Variants in BCKDHB observed in about 807,000 individuals in gnomAD.
The protein encoded by BCKDHB is branched chain keto acid dehydrogenase E1 subunit beta.
A neutral mutation model predicts 48.5 loss-of-function variants in BCKDHB; 41 were observed. The ratio of observed to expected loss-of-function variants is 0.85; its 90% confidence interval spans 0.66 to 1.10. The LOEUF (loss-of-function observed/expected upper bound fraction) is 1.10, where lower values mean the gene tolerates loss of function less well. BCKDHB is among the 50% of genes least tolerant of loss of function. BCKDHB has a pLI of 0.00. For synonymous variants in BCKDHB, 201 were observed against 174.8 expected, an observed-to-expected ratio of 1.15 and a Z score of -1.18; for missense variants, 496 against 494.2, an observed-to-expected ratio of 1.00 and a Z score of -0.03.
intron 9 of BCKDHB, among the ~76,000 whole-genome samples, chr6:80,298,591 C>G (rs1767388751): frequency 2.0e-5 from 3 of 152,190 alleles, no homozygotes; most frequent in Admixed American, 2.0e-4. Context: ...GACTCATTCC[C>G]TAAGCCAGGC....
At chr6:80,230,026 G>GGTT (rs1775846730) in intron 8 of BCKDHB, among the ~76,000 whole-genome samples, 2 of 60,646 alleles carry the variant, frequency 3.3e-5, no homozygotes, top group African/African-American at 1.4e-4. Flanking sequence ...TTTTTAGGTT[G>GGTT]TTTTTTTTTT....
chr6:80,413,646 T>C, the BCKDHB span, among the ~76,000 whole-genome samples: 2 of 152,240 alleles, frequency 1.3e-5, no homozygotes, highest in Non-Finnish European at 2.9e-5. Flanking sequence ...TCGTTATGCC[T>C]GCATAGTATT....
In BCKDHB at chr6:80,259,324, C is replaced by T. The variant is rs187473525; in HGVS notation, c.952-13811C>T. Among the ~76,000 whole-genome samples the T allele has an allele frequency of 8.9e-4, 135 of 152,264 alleles. No individual in the cohort carries two copies. The South Asian group carries it at 0.014, about 16-fold the overall frequency. On this transcript the variant is annotated intron_variant, in intron 8 of 9. Coordinates refer to ENST00000320393, the MANE Select transcript of BCKDHB (RefSeq NM_183050.4). The stretch of plus-strand genomic sequence containing the variant: ...GTCACTGATGCAGTCAGTTGTGTTC[C>T]GATTTCAGAATTACGGTTGGCAGTC...
chr6:80,352,021 A>G, the BCKDHB span, among the ~76,000 whole-genome samples: 3 of 151,858 alleles, frequency 2.0e-5, no homozygotes, highest in African/African-American at 7.3e-5. Flanking sequence ...GGGTTTCTCC[A>G]TGTTAATCAG....
chr6:80,359,500 C>A, the BCKDHB span, among the ~76,000 whole-genome samples: 374 of 152,250 alleles, frequency 2.5e-3, 3 homozygotes, highest in African/African-American at 8.5e-3. Flanking sequence ...TAGGGTTTAT[C>A]CTTTTAAAAA....
chr6:80,177,647 T>C (rs1773227556), intron 6 of BCKDHB, among the ~76,000 whole-genome samples: 1 of 152,174 alleles, frequency 6.6e-6, no homozygotes, highest in African/African-American at 2.4e-5. Flanking sequence ...ACCAGTGCAG[T>C]AGGAAATATT....
chr6:80,330,771 G>A lies in BCKDHB; in HGVS notation c.1039-12893G>A, dbSNP rs542014493. Among the ~76,000 whole-genome samples the A allele has an allele frequency of 9.2e-5, 14 of 152,276 alleles. No homozygotes were observed. The South Asian group carries it at 2.9e-3, about 32-fold the overall frequency. ...AAGAAACTCCAAGAGCTACGTGGAA[G>A]CATGTGTTGTTTTCTTGTCAGTTTT... is the stretch of plus-strand genomic sequence containing the variant. On this transcript the variant is annotated intron_variant, in intron 9 of 9. Coordinates refer to ENST00000320393, the MANE Select transcript of BCKDHB (RefSeq NM_183050.4).
chr6:80,405,344 A>G, the BCKDHB span, among the ~76,000 whole-genome samples: 1 of 152,118 alleles, frequency 6.6e-6, no homozygotes, highest in Admixed American at 6.6e-5. Flanking sequence ...TTATATAAGT[A>G]TAGTCACCCC....
the BCKDHB span, among the ~76,000 whole-genome samples, chr6:80,370,454 A>G: frequency 6.6e-6 from 1 of 152,154 alleles, no homozygotes; most frequent in Non-Finnish European, 1.5e-5. Flanking sequence ...TTGTTACATG[A>G]GTAAGTTCTC....
chr6:80,309,085 C>T (rs147848199), intron 9 of BCKDHB, among the ~76,000 whole-genome samples: 82 of 149,648 alleles, frequency 5.5e-4, no homozygotes, highest in African/African-American at 1.6e-3. Context: ...TTTTTTTAGA[C>T]GGAGTCTCGC....
chr6:80,149,884 C>T (rs1378349919), intron 3 of BCKDHB, among the ~76,000 whole-genome samples: 5 of 150,810 alleles, frequency 3.3e-5, no homozygotes, highest in Admixed American at 6.6e-5. Context: ...TGCTAAATGA[C>T]GAGTTAATGG....
At chr6:80,125,153 CT>C (rs768806309) in intron 1 of BCKDHB, among the ~76,000 whole-genome samples, 2 of 152,208 alleles carry the variant, frequency 1.3e-5, no homozygotes, top group Non-Finnish European at 2.9e-5. Context: ...TCCATCAGCA[CT>C]TTATGCTTCA....
intron 6 of BCKDHB, among the ~76,000 whole-genome samples, chr6:80,173,282 A>G (rs1028397994): frequency 3.9e-5 from 6 of 152,098 alleles, no homozygotes; most frequent in Admixed American, 2.6e-4. Context: ...AAATTTCCCC[A>G]TGCTTGATCA....
intron 8 of BCKDHB, among the ~76,000 whole-genome samples, chr6:80,232,376 A>G (rs1009530444): frequency 2.2e-4 from 33 of 152,024 alleles, no homozygotes; most frequent in Non-Finnish European, 4.1e-4. Flanking sequence ...GAAAGTAGGC[A>G]TTCTTTACAA....
the BCKDHB span, among the ~76,000 whole-genome samples, chr6:80,397,637 C>T: frequency 6.6e-6 from 1 of 152,150 alleles, no homozygotes; most frequent in Non-Finnish European, 1.5e-5. Flanking sequence ...AATACCAGCA[C>T]TTTGGGAGGC....
intron 6 of BCKDHB, among the ~76,000 whole-genome samples, chr6:80,171,721 G>A (rs1297412337): frequency 2.0e-5 from 3 of 152,046 alleles, no homozygotes; most frequent in Non-Finnish European, 2.9e-5. Context: ...AATAGTATAT[G>A]TTTCCTTTTA....
the BCKDHB span, among the ~76,000 whole-genome samples, chr6:80,399,007 ATAT>A: frequency 6.6e-6 from 1 of 152,150 alleles, no homozygotes; most frequent in African/African-American, 2.4e-5. Flanking sequence ...AGGCAAAACC[ATAT>A]GATTATTTCA....
the BCKDHB span, among the ~76,000 whole-genome samples, chr6:80,429,092 C>T: frequency 6.6e-6 from 1 of 152,160 alleles, no homozygotes; most frequent in South Asian, 2.1e-4. Flanking sequence ...CTGTATATGG[C>T]TAGCCAGTTT....
At chr6:80,375,895 A>G in the BCKDHB span, among the ~76,000 whole-genome samples, 2 of 152,106 alleles carry the variant, frequency 1.3e-5, no homozygotes, top group African/African-American at 4.8e-5. Flanking sequence ...CTTCCTGAGA[A>G]TTGGTTGTAT....
Sources: gnomAD v4.1 joint callset for allele counts (sites outside exome capture counted in the v4.1 genomes callset) on GRCh38, gnomAD v4.1.1 for gene constraint, MANE v1.5 for transcripts, NCBI Gene and HGNC (gene_info 2026-07-23, HGNC 2026-07-21) for gene names.